SPECC1: variants seen among roughly 807,000 people sequenced by gnomAD.
SPECC1 encodes cytospin-B.
SPECC1 carries 62 observed loss-of-function variants against 104.1 expected under a neutral mutation model. The observed-to-expected ratio is 0.60, with a 90% CI of 0.49 to 0.74. The LOEUF is 0.74. SPECC1 is among the 30% of genes least tolerant of loss of function. SPECC1 has a pLI of 0.00. For missense variants in SPECC1, 1,306 were observed against 1,310.5 expected (o/e 1.00, Z 0.05); for synonymous variants, 513 against 501.6 (o/e 1.02, Z -0.30).
Position 20,144,178 on chromosome 17 carries a change from T to TC in SPECC1, c.283+33616_283+33617insC, listed in dbSNP as rs1374614383. On this transcript the variant is annotated intron_variant, in intron 3 of 14. Transcript: ENST00000395527. ...TTTAATACTGTTTTTTTCTTTTCTT[T>TC]TTTTTTTTTTTTTTTTTTTTTTTTG... 1.6e-4 allele frequency among the ~76,000 whole-genome samples: 5 copies of TC among 31,946 alleles called. 1 individual carries two copies. Among genetic ancestry groups the TC allele is most frequent in the Non-Finnish European group, 1.6e-4 (2 of 12,260 alleles). The allele number at this position is 31,946 out of a possible 152,430, so 21.0% of individuals were successfully genotyped here. A position where few individuals can be genotyped will look rare whatever the true frequency, so the allele number is the denominator to read the frequency against.
At chr17:20,154,637 G>T (rs190608441) in intron 3 of SPECC1, among the ~76,000 whole-genome samples, 1 of 152,156 alleles carries the variant, frequency 6.6e-6, no homozygotes, top group East Asian at 1.9e-4. Context: ...ACACTGGAGC[G>T]TTGCAAGTGG....
chr17:20,282,278 C>T (rs949797020), intron 12 of SPECC1, among the ~76,000 whole-genome samples: 1 of 152,212 alleles, frequency 6.6e-6, no homozygotes, highest in Admixed American at 6.5e-5. Context: ...TCTGCCTGAA[C>T]ATCTCTGGGA....
chr17:20,042,277 C>G (rs944537070), intron 1 of SPECC1, among the ~76,000 whole-genome samples: 1 of 152,116 alleles, frequency 6.6e-6, no homozygotes, highest in African/African-American at 2.4e-5. Context: ...TGGTTCCCTA[C>G]TTGGCCTCCC....
At chr17:20,135,491 A>G (rs908587214) in intron 3 of SPECC1, among the ~76,000 whole-genome samples, 8 of 152,172 alleles carry the variant, frequency 5.3e-5, no homozygotes, top group Non-Finnish European at 1.2e-4. Context: ...TTGCTGTGTC[A>G]CCCAGGATGC....
intron 1 of SPECC1, among the ~76,000 whole-genome samples, chr17:20,038,439 G>A (rs1398405506): frequency 3.1e-5 from 4 of 128,330 alleles, no homozygotes; most frequent in African/African-American, 6.1e-5. Flanking sequence ...AGTCTCTGTC[G>A]CCCAGGCTGG....
intron 13 of SPECC1, among the ~76,000 whole-genome samples, chr17:20,297,287 A>G (rs2041385931): frequency 6.6e-6 from 1 of 152,236 alleles, no homozygotes; most frequent in Non-Finnish European, 1.5e-5. Flanking sequence ...TCTCAGCTTC[A>G]TGGTTTCAAG....
chr17:20,205,978 AAATTCACAGAGCAC>A, intron 4 of SPECC1, 66 bp downstream of exon 4: 1 of 1,526,900 alleles, frequency 6.5e-7, no homozygotes, highest in Non-Finnish European at 8.7e-7. Context: ...CTTAACCTCT[AAATTCACAGAGCAC>A]AGAGAAGCAT....
chr17:20,179,182 C>T (rs943687160), intron 3 of SPECC1, among the ~76,000 whole-genome samples: 1 of 152,230 alleles, frequency 6.6e-6, no homozygotes, highest in African/African-American at 2.4e-5. Flanking sequence ...GGCACTGCAG[C>T]CAGGGACAGC....
chr17:20,217,281 G>T (rs9898295), intron 4 of SPECC1, among the ~76,000 whole-genome samples: 108,765 of 147,386 alleles, frequency 0.74, 40,656 homozygotes, highest in East Asian at 0.98. Flanking sequence ...GTGTGTGTGT[G>T]TTTTTTTTTT....
chr17:20,264,473 T>G, intron 12 of SPECC1, among the ~76,000 whole-genome samples: 1 of 129,114 alleles, frequency 7.7e-6, no homozygotes, highest in African/African-American at 2.9e-5. Flanking sequence ...TTTTTTTTTT[T>G]TTTTTTTTTT....
intron 4 of SPECC1, among the ~76,000 whole-genome samples, chr17:20,217,737 A>G (rs1289060828): frequency 5.3e-5 from 8 of 152,164 alleles, no homozygotes; most frequent in Non-Finnish European, 1.2e-4. Context: ...TCTAAAATGC[A>G]TTACTTCTTT....
At chr17:20,149,465 A>G (rs1462795790) in intron 3 of SPECC1, among the ~76,000 whole-genome samples, 1 of 152,178 alleles carries the variant, frequency 6.6e-6, no homozygotes, top group African/African-American at 2.4e-5. Context: ...ATCGCCTGGT[A>G]AAAACCCTGG....
At chr17:20,227,702 G>A in intron 5 of SPECC1, 82 bp downstream of exon 5, 2 of 1,354,588 alleles carry the variant, frequency 1.5e-6, no homozygotes, top group South Asian at 1.3e-5. Flanking sequence ...ATCACCTGAG[G>A]TCAGAAGTTC....
intron 1 of SPECC1, among the ~76,000 whole-genome samples, chr17:20,082,463 G>GTGGT (rs1449262427): frequency 6.6e-6 from 1 of 152,124 alleles, no homozygotes; most frequent in Admixed American, 6.5e-5. Context: ...GCCAGGCGTG[G>GTGGT]TGGTGCGCAC....
intron 12 of SPECC1, among the ~76,000 whole-genome samples, chr17:20,266,478 G>A (rs542716419): frequency 9.2e-5 from 14 of 152,316 alleles, no homozygotes; most frequent in Admixed American, 7.2e-4. Context: ...CAGCTGCTCG[G>A]GAGGCTGAGG....
intron 14 of SPECC1, among the ~76,000 whole-genome samples, chr17:20,311,070 A>G (rs2041915523): frequency 6.7e-6 from 1 of 149,546 alleles, no homozygotes; most frequent in South Asian, 2.1e-4. Context: ...TGCCTTCTGC[A>G]CATACCTTGT....
At chr17:20,267,001 G>A (rs562427890) in intron 12 of SPECC1, among the ~76,000 whole-genome samples, 23 of 152,268 alleles carry the variant, frequency 1.5e-4, no homozygotes, top group South Asian at 1.5e-3. Context: ...AGTGAGCATC[G>A]CAGCCAGACC....
intron 13 of SPECC1, among the ~76,000 whole-genome samples, chr17:20,305,318 A>C (rs2041727939): frequency 6.6e-6 from 1 of 152,188 alleles, no homozygotes; most frequent in African/African-American, 2.4e-5. Flanking sequence ...CATACAAAGT[A>C]GAGTCAGGAA....
intron 12 of SPECC1, among the ~76,000 whole-genome samples, chr17:20,272,849 T>A (rs529644179): frequency 1.3e-5 from 2 of 152,368 alleles, no homozygotes; most frequent in South Asian, 4.1e-4. Context: ...ATGTTACATA[T>A]GAATTTCACT....
Sources: gnomAD v4.1 joint callset for allele counts (sites outside exome capture counted in the v4.1 genomes callset) on GRCh38, gnomAD v4.1.1 for gene constraint, MANE v1.5 for transcripts, NCBI Gene and HGNC (gene_info 2026-07-23, HGNC 2026-07-21) for gene names.